BAZ2B: variants seen among roughly 807,000 people sequenced by gnomAD.
BAZ2B encodes the protein bromodomain adjacent to zinc finger domain protein 2B.
A neutral mutation model predicts 246.0 loss-of-function variants in BAZ2B; 91 were observed. The observed-to-expected ratio is 0.37, with a 90% CI of 0.31 to 0.44. BAZ2B has a LOEUF of 0.44. BAZ2B is among the 20% of genes least tolerant of loss of function. The pLI, the probability that BAZ2B is intolerant of heterozygous loss-of-function variation, is 1.00. For missense variants in BAZ2B, 2,332 were observed against 2,533.7 expected (o/e 0.92, Z 1.71); for synonymous variants, 855 against 860.0 (o/e 0.99, Z 0.10).
rs1238672389 is a variant in BAZ2B, at chr2:159,444,822, A to C, written c.696+1960T>G. On this transcript the variant is annotated intron_variant, in intron 6 of 36. Transcript: ENST00000392783. ...AACTTTTGACTCTCTTCCACTGGAAAACCAGGCCCTGAAAGCAGTTTTTAT... is the reference window on the plus strand; with the variant it reads ...AACTTTTGACTCTCTTCCACTGGAACACCAGGCCCTGAAAGCAGTTTTTAT... 4 of 152,736 alleles carry C rather than the reference A, an allele frequency of 2.6e-5. No homozygotes were observed. In the East Asian group the frequency reaches 7.7e-4, roughly 29 times the overall value. 9.5% of individuals were successfully genotyped at this position (152,736 alleles called of 1,614,324 possible).
chr2:159,585,788 T>A (rs1377557636), intron 1 of BAZ2B, among the ~76,000 whole-genome samples: 2 of 152,260 alleles, frequency 1.3e-5, no homozygotes, highest in African/African-American at 4.8e-5. Context: ...TAGGACTTTG[T>A]CCCTATGCTA....
intron 3 of BAZ2B, among the ~76,000 whole-genome samples, chr2:159,454,706 T>C (rs2075523143): frequency 6.6e-6 from 1 of 151,762 alleles, no homozygotes; most frequent in Non-Finnish European, 1.5e-5. Context: ...TATATTCTAG[T>C]CTAATAAAAC....
chr2:159,449,465 T>C (rs2074734916), intron 4 of BAZ2B, among the ~76,000 whole-genome samples: 2 of 152,268 alleles, frequency 1.3e-5, no homozygotes, highest in South Asian at 4.1e-4. Context: ...TATTATATAA[T>C]ATTAAAAACT....
chr2:159,530,795 C>A (rs1002831892), intron 2 of BAZ2B, among the ~76,000 whole-genome samples: 1 of 152,022 alleles, frequency 6.6e-6, no homozygotes. Context: ...CATGATGAAA[C>A]CCTGTCTCTA....
chr2:159,645,371 G>A, the BAZ2B span, among the ~76,000 whole-genome samples: 1 of 151,814 alleles, frequency 6.6e-6, no homozygotes, highest in African/African-American at 2.4e-5. Context: ...GACCAGTTTC[G>A]TGGAAGACAA....
At chr2:159,660,335 T>C in the BAZ2B span, among the ~76,000 whole-genome samples, 1 of 152,252 alleles carries the variant, frequency 6.6e-6, no homozygotes, top group Non-Finnish European at 1.5e-5. Context: ...ACTGTATAGA[T>C]ACATAACATT....
downstream of BAZ2B, among the ~76,000 whole-genome samples, chr2:159,318,516 A>G (rs916523170): frequency 6.6e-6 from 1 of 152,248 alleles, no homozygotes; most frequent in Non-Finnish European, 1.5e-5. Flanking sequence ...TCAAGGGGCT[A>G]TAAGCTCCAT....
chr2:159,482,281 T>C (rs1328760667), intron 2 of BAZ2B, among the ~76,000 whole-genome samples: 1 of 152,146 alleles, frequency 6.6e-6, no homozygotes, highest in African/African-American at 2.4e-5. Context: ...TAATAAACAT[T>C]ATCTGGGTTC....
At chr2:159,674,775 A>G in the BAZ2B span, among the ~76,000 whole-genome samples, 1 of 152,072 alleles carries the variant, frequency 6.6e-6, no homozygotes, top group Non-Finnish European at 1.5e-5. Context: ...GAAACAAATA[A>G]ATGTAAGGAT....
At chr2:159,438,277 T>C (rs2072782255) in intron 8 of BAZ2B, 26 bp downstream of exon 8, 1 of 1,582,742 alleles carries the variant, frequency 6.3e-7, no homozygotes. Context: ...ATAGTAAAAT[T>C]CTTGTATAAA....
intron 9 of BAZ2B, among the ~76,000 whole-genome samples, chr2:159,432,165 G>A (rs1368114912): frequency 7.3e-5 from 11 of 151,702 alleles, no homozygotes; most frequent in South Asian, 4.1e-4. Context: ...TTTTGTATTC[G>A]CAATTTAAGC....
rs909877746 is a variant in BAZ2B, at chr2:159,584,225, G to A, written c.-45-28360C>T. Among the ~76,000 whole-genome samples, 4 of 151,884 alleles carry A rather than the reference G, an allele frequency of 2.6e-5. No homozygotes were observed. The South Asian group carries it at 6.2e-4, about 24-fold the overall frequency. ...CATCCTCCATGTCCCAGGTTCAAGC[G>A]ATTCTCCTGCCTTAGCCTCCCGAGT... On this transcript the variant is annotated intron_variant, in intron 1 of 36. Transcript: ENST00000392783.
At chr2:159,483,673 C>T (rs1018525268) in intron 2 of BAZ2B, among the ~76,000 whole-genome samples, 4 of 152,036 alleles carry the variant, frequency 2.6e-5, no homozygotes, top group South Asian at 2.1e-4. Flanking sequence ...CCCAGCTACT[C>T]GGGAGGCTGA....
At chr2:159,441,816 T>C (rs1282008883) in intron 6 of BAZ2B, among the ~76,000 whole-genome samples, 6 of 152,192 alleles carry the variant, frequency 3.9e-5, no homozygotes, top group African/African-American at 1.4e-4. Context: ...AAAGTTAGTC[T>C]TCTTAGGTTT....
intron 1 of BAZ2B, among the ~76,000 whole-genome samples, chr2:159,597,614 C>T (rs1235626629): frequency 1.3e-5 from 2 of 152,194 alleles, no homozygotes; most frequent in African/African-American, 4.8e-5. Context: ...GCGACCTTCG[C>T]CTTCTAGGTT....
At chr2:159,434,926 A>G in intron 8 of BAZ2B, 1 of 152,076 alleles carries the variant, frequency 6.6e-6, no homozygotes, top group East Asian at 1.9e-4. Flanking sequence ...AAAACAACAC[A>G]ATCATGAATT....
the BAZ2B span, among the ~76,000 whole-genome samples, chr2:159,644,827 C>T: frequency 1.2e-4 from 19 of 152,202 alleles, no homozygotes; most frequent in South Asian, 6.2e-4. Flanking sequence ...CTCTTCAGAA[C>T]AAGTTTTGTG....
At chr2:159,572,240 A>G (rs1316733151) in intron 1 of BAZ2B, among the ~76,000 whole-genome samples, 4 of 152,208 alleles carry the variant, frequency 2.6e-5, no homozygotes, top group Admixed American at 6.5e-5. Flanking sequence ...TAATAAACTG[A>G]TAAGTATAGC....
At chr2:159,394,408 A>G (rs988149120) in intron 20 of BAZ2B, among the ~76,000 whole-genome samples, 1 of 152,148 alleles carries the variant, frequency 6.6e-6, no homozygotes, top group African/African-American at 2.4e-5. Context: ...GATTATGGTT[A>G]CAATTCCACG....
Sources: gnomAD v4.1 joint callset for allele counts (sites outside exome capture counted in the v4.1 genomes callset) on GRCh38, gnomAD v4.1.1 for gene constraint, MANE v1.5 for transcripts, NCBI Gene and HGNC (gene_info 2026-07-23, HGNC 2026-07-21) for gene names.